Variants in FAT3 observed in about 807,000 individuals in gnomAD.
FAT3 encodes the protein FAT atypical cadherin 3, also known as protocadherin Fat 3.
FAT3 carries 95 observed loss-of-function variants against 310.2 expected under a neutral mutation model. That is an observed-to-expected ratio of 0.31 (90% confidence interval 0.26 to 0.36). The LOEUF is 0.36. Ranked by LOEUF, FAT3 falls within the 10% of genes least tolerant of loss-of-function variation. FAT3 has a pLI of 1.00. For synonymous variants in FAT3, 2,314 were observed against 2,192.9 expected, an observed-to-expected ratio of 1.06 and a Z score of -1.54; for missense variants, 5,408 against 5,715.6, an observed-to-expected ratio of 0.95 and a Z score of 1.74.
At chr11:92,766,955 A>G (rs890553639) in intron 6 of FAT3, 1 of 152,220 alleles carries the variant, frequency 6.6e-6, no homozygotes, top group Non-Finnish European at 1.5e-5. Flanking sequence ...GACATGTGCA[A>G]TAGTGATTTT....
chr11:92,263,671 A>G (rs2134313798), intron 1 of FAT3, among the ~76,000 whole-genome samples: 1 of 152,040 alleles, frequency 6.6e-6, no homozygotes, highest in Admixed American at 6.6e-5. Context: ...AGATGCATAT[A>G]TATTTGCATG....
chr11:92,613,035 TCA>T (rs1488858163), intron 3 of FAT3, among the ~76,000 whole-genome samples: 1 of 152,210 alleles, frequency 6.6e-6, no homozygotes, highest in African/African-American at 2.4e-5. Context: ...TTTTTCTACC[TCA>T]CTGAAAATGT....
At chr11:92,385,847 A>G (rs1028557214) in intron 2 of FAT3, among the ~76,000 whole-genome samples, 4 of 152,188 alleles carry the variant, frequency 2.6e-5, no homozygotes, top group African/African-American at 9.7e-5. Context: ...TATGCAAAAC[A>G]CAAAAGAAAA....
intron 2 of FAT3, among the ~76,000 whole-genome samples, chr11:92,428,404 ATTTCT>A (rs1317821147): frequency 6.8e-6 from 1 of 147,970 alleles, no homozygotes; most frequent in African/African-American, 2.5e-5. Context: ...GATCTTGGTT[ATTTCT>A]TTTCTTCTGC....
At chr11:92,741,992 C>T (rs1945521501) in intron 4 of FAT3, among the ~76,000 whole-genome samples, 1 of 152,160 alleles carries the variant, frequency 6.6e-6, no homozygotes, top group Non-Finnish European at 1.5e-5. Context: ...CAATGCAAGG[C>T]CTTGTTCCTG....
At chr11:92,705,749 A>G (rs1330773944) in intron 4 of FAT3, among the ~76,000 whole-genome samples, 16 of 12,484 alleles carry the variant, frequency 1.3e-3, no homozygotes, top group East Asian at 2.5e-3. Context: ...GTGGTGGGTG[A>G]TGGTGCTGTG....
chr11:92,486,299 G>A (rs1952399893), intron 2 of FAT3, among the ~76,000 whole-genome samples: 1 of 151,506 alleles, frequency 6.6e-6, no homozygotes, highest in African/African-American at 2.4e-5. Flanking sequence ...TGTTCTGCCT[G>A]TTTTTTTACT....
intron 4 of FAT3, among the ~76,000 whole-genome samples, chr11:92,737,863 T>G (rs1414333982): frequency 6.6e-6 from 1 of 152,084 alleles, no homozygotes; most frequent in East Asian, 1.9e-4. Flanking sequence ...AGAAACCTCA[T>G]TCCTCCTCCC....
intron 19 of FAT3, among the ~76,000 whole-genome samples, chr11:92,855,069 G>C (rs1318924626): frequency 1.3e-5 from 2 of 152,228 alleles, no homozygotes; most frequent in Non-Finnish European, 2.9e-5. Flanking sequence ...CCATGTGGCT[G>C]AGGTTAGCAT....
chr11:92,418,430 C>CCCCG (rs1369359524), intron 2 of FAT3, among the ~76,000 whole-genome samples: 2 of 94,240 alleles, frequency 2.1e-5, no homozygotes, highest in Non-Finnish European at 4.0e-5. Flanking sequence ...CCCCCCCCAC[C>CCCCG]CCCCCACACA....
intron 2 of FAT3, among the ~76,000 whole-genome samples, chr11:92,492,720 G>A (rs896293145): frequency 3.3e-5 from 5 of 152,016 alleles, no homozygotes; most frequent in African/African-American, 1.2e-4. Context: ...CCCTGTGGCA[G>A]CAACAGAAAG....
rs1371976723 is a variant in FAT3 at position 92,799,741 on chromosome 11, T to A, written c.6728T>A (p.Val2243Asp). ...IDFDTGVLKVVSPLDYEVTSA... is the reference protein window; with the variant it reads ...IDFDTGVLKVDSPLDYEVTSA... ...TTTGACACTGGGGTCCTGAAAGTTG[T>A]TAGCCCTTTGGATTATGAAGTTACA... Residue 2243 changes from valine (V) to aspartate (D), a missense_variant, in exon 10 of 28, where the codon GTT becomes GAT. Physicochemically the swap from Val to Asp is radical, Grantham distance 152 (BLOSUM62 -3). Coordinates refer to ENST00000525166, the MANE Select transcript of FAT3 (RefSeq NM_001367949.2). 1.7e-5 allele frequency: 28 copies of A among 1,612,760 alleles called. No individual in the cohort carries two copies. Among genetic ancestry groups the A allele is most frequent in the Non-Finnish European group, 2.3e-5 (27 of 1,179,406 alleles).
At chr11:92,802,000 G>A (rs142193468) in intron 10 of FAT3, 91 bp downstream of exon 10, 1 of 1,220,106 alleles carries the variant, frequency 8.2e-7, no homozygotes, top group South Asian at 1.5e-5. Context: ...GAAGGAAGAT[G>A]GGATAAGGAG....
intron 1 of FAT3, among the ~76,000 whole-genome samples, chr11:92,294,333 G>A (rs902982629): frequency 8.5e-5 from 13 of 152,086 alleles, no homozygotes; most frequent in Middle Eastern, 3.4e-3. Context: ...ATATAGCCAC[G>A]CTGAGGATTA....
intron 22 of FAT3, among the ~76,000 whole-genome samples, chr11:92,873,510 C>T (rs1244267000): frequency 6.6e-6 from 1 of 152,134 alleles, no homozygotes; most frequent in Non-Finnish European, 1.5e-5. Context: ...CAGGGTAGAG[C>T]GTTTAAGCCA....
intron 3 of FAT3, among the ~76,000 whole-genome samples, chr11:92,686,220 G>A (rs568945494): frequency 1.1e-4 from 16 of 152,174 alleles, no homozygotes; most frequent in Non-Finnish European, 2.1e-4. Flanking sequence ...CTGAAAATGT[G>A]GATTTCTAGA....
chr11:92,750,978 A>C (rs1194264298), intron 4 of FAT3, among the ~76,000 whole-genome samples: 1 of 152,222 alleles, frequency 6.6e-6, no homozygotes, highest in East Asian at 1.9e-4. Flanking sequence ...ATGAACAGTG[A>C]ATTGTTCACG....
chr11:92,398,155 A>G (rs1949920838), intron 2 of FAT3, among the ~76,000 whole-genome samples: 3 of 151,942 alleles, frequency 2.0e-5, no homozygotes, highest in African/African-American at 7.3e-5. Flanking sequence ...GCATTACTTC[A>G]GTCACATGGC....
intron 4 of FAT3, among the ~76,000 whole-genome samples, chr11:92,755,460 G>A (rs1298610294): frequency 6.6e-6 from 1 of 152,074 alleles, no homozygotes; most frequent in Admixed American, 6.5e-5. Context: ...CTGACCTCTG[G>A]TGATCCACCT....
Sources: gnomAD v4.1 joint callset for allele counts (sites outside exome capture counted in the v4.1 genomes callset) on GRCh38, gnomAD v4.1.1 for gene constraint, MANE v1.5 for transcripts, NCBI Gene and HGNC (gene_info 2026-07-23, HGNC 2026-07-21) for gene names.